Variants in CIITA observed in about 807,000 individuals in gnomAD.
CIITA encodes class II major histocompatibility complex transactivator, also known as MHC class II transactivator.
CIITA carries 72 observed loss-of-function variants against 115.1 expected under a neutral mutation model. The observed-to-expected ratio is 0.63, with a 90% CI of 0.52 to 0.76. The LOEUF is 0.76. Among genes scored for constraint, CIITA ranks in the 30% least tolerant of loss-of-function variants. CIITA has a pLI of 0.00. For missense variants in CIITA, 1,617 were observed against 1,463.8 expected (o/e 1.10, Z -1.71); for synonymous variants, 763 against 635.6 (o/e 1.20, Z -3.02).
rs1248810990 is a variant in CIITA, at chr16:10,907,730, C to T, written c.2238C>T (p.Pro746=). ...CATTGACCCCAAGGAAGAAGAGGCC[C>T]TATGACAACTGGCTGGAGGGCGTGC... ...YLALTPRKKR[P]YDNWLEGVPR... The change falls in exon 11 of 20, where the codon CCC becomes CCT. Residue 746 remains proline, a synonymous_variant. Transcript: ENST00000324288. The surrounding 1 kb of genome is among the most constrained non-coding windows in gnomAD (Gnocchi z 5.0). 2.5e-6 allele frequency: 4 copies of T among 1,614,122 alleles called. No individual in the cohort carries two copies. The African/African-American group carries it at 5.3e-5, about 22-fold the overall frequency.
chr16:10,919,445 C>T (rs1014903910), intron 16 of CIITA, among the ~76,000 whole-genome samples: 15 of 152,188 alleles, frequency 9.9e-5, no homozygotes, highest in Non-Finnish European at 1.8e-4. Flanking sequence ...GATCCACCTG[C>T]CTCGGCCTCC....
Position 10,907,468 on chromosome 16 carries a change from A to G in CIITA, c.1976A>G (p.Glu659Gly). The G allele has an allele frequency of 6.2e-7, 1 of 1,613,496 alleles. No homozygotes were observed. Among genetic ancestry groups the G allele is most frequent in the East Asian group, 2.2e-5 (1 of 44,856 alleles). The stretch of plus-strand genomic sequence containing the variant: ...GACAGCCCCCCCGGGGCCCTGGCAG[A>G]GCTGGCCAAGCTGGCCTGGGAGCTG... ...ALDSPPGALA[E>G]LAKLAWELGR... Residue 659 changes from glutamate to glycine, a missense_variant, in exon 11 of 20, where the codon GAG becomes GGG. Physicochemically the swap from Glu to Gly is moderately conservative, Grantham distance 98. Coordinates refer to ENST00000324288, the MANE Select transcript of CIITA (RefSeq NM_000246.4). This position sits in a 1 kb window ranked among gnomAD's most constrained non-coding sequence, Gnocchi z 5.0.
intron 13 of CIITA, among the ~76,000 whole-genome samples, chr16:10,913,727 C>T: frequency 6.6e-6 from 1 of 151,868 alleles, no homozygotes; most frequent in East Asian, 2.0e-4. Context: ...ATCACAAGGC[C>T]AGGAGTTTGA....
rs751742953 is a variant in CIITA at position 10,898,951 on chromosome 16, G to C, written c.385G>C (p.Gly129Arg). ...GCACATAGGACCAGATGAAGTGATC[G>C]GTGAGAGTATGGAGATGCCAGCAGA... ...FKHIGPDEVI[G>R]ESMEMPAEVG... The change falls in exon 5 of 20, where the codon GGT (glycine) becomes CGT (arginine). Residue 129 changes from glycine to arginine, a missense_variant. Coordinates refer to ENST00000324288, the MANE Select transcript of CIITA (RefSeq NM_000246.4). 6.2e-6 allele frequency: 10 copies of C among 1,613,802 alleles called. No homozygotes were observed. The highest frequency in any genetic ancestry group is 8.5e-6 in the Non-Finnish European group (10 of 1,179,984).
chr16:10,876,237 A>C (rs1445855809), upstream of CIITA, among the ~76,000 whole-genome samples: 1 of 152,066 alleles, frequency 6.6e-6, no homozygotes, highest in Non-Finnish European at 1.5e-5. Context: ...CTAGCCTCCA[A>C]CTCCCGGCTT....
In CIITA at chr16:10,907,820, A is replaced by C; in HGVS notation, c.2328A>C (p.Pro776=). The C allele has an allele frequency of 6.2e-7, 1 of 1,613,830 alleles. No individual in the cohort carries two copies. Among genetic ancestry groups the C allele is most frequent in the Non-Finnish European group, 8.5e-7 (1 of 1,179,858 alleles). ...GCTGCCTGGGAGCCCTACTCGGGCC[A>C]TCGGCGGCTGCCTCGGTGGACAGGA... ...PARCLGALLG[P]SAAASVDRKQ... Residue 776 remains proline, a synonymous_variant, in exon 11 of 20, where the codon CCA becomes CCC. Coordinates refer to ENST00000324288, the MANE Select transcript of CIITA (RefSeq NM_000246.4). This position sits in a 1 kb window ranked among gnomAD's most constrained non-coding sequence, Gnocchi z 5.0.
At position 10,901,033 on chromosome 16, in the gene CIITA, A is replaced by G. The variant is rs2038693324; in HGVS notation, c.437-481A>G. ...GTGTTTCGTTGGGTAGATGAACCAT[A>G]ATTTGTTTAAGCAGTCCCTTGCTAA... is the stretch of plus-strand genomic sequence containing the variant. On this transcript the variant is annotated intron_variant, in intron 5 of 19. Coordinates refer to ENST00000324288, the MANE Select transcript of CIITA (RefSeq NM_000246.4). This position sits in a 1 kb window ranked among gnomAD's most constrained non-coding sequence, Gnocchi z 6.8. Among the ~76,000 whole-genome samples the G allele has an allele frequency of 6.6e-6, 1 of 152,092 alleles. No homozygotes were observed. Among genetic ancestry groups the G allele is most frequent in the African/African-American group, 2.4e-5 (1 of 41,468 alleles).
At position 10,906,845 on chromosome 16, in the gene CIITA, C is replaced by T. The variant is rs773675585; in HGVS notation, c.1353C>T (p.Val451=). The T allele has an allele frequency of 1.6e-5, 26 of 1,613,360 alleles. No individual in the cohort carries two copies. Among genetic ancestry groups the T allele is most frequent in the South Asian group, 2.2e-5 (2 of 91,076 alleles). The change falls in exon 11 of 20, where the codon GTC becomes GTT. Residue 451 remains valine (V), a synonymous_variant. Transcript: ENST00000324288. ...RLPQYDFVFS[V]PCHCLNRPGD... is the part of the protein sequence containing the mutation. ...CCCAGTACGACTTTGTCTTCTCTGT[C>T]CCCTGCCATTGCTTGAACCGTCCGG... is the stretch of plus-strand genomic sequence containing the variant.
chr16:10,940,090 T>C (rs576820045), downstream of CIITA: 1 of 152,306 alleles, frequency 6.6e-6, no homozygotes, highest in South Asian at 2.1e-4. This position sits in a 1 kb window ranked among gnomAD's most constrained non-coding sequence, Gnocchi z 4.2. Flanking sequence ...GAAATCTCAC[T>C]GTGAACCCAT....
chr16:10,926,814 C>T lies in CIITA; in HGVS notation c.*2959C>T, dbSNP rs184764151. The T allele has an allele frequency of 6.6e-6, 1 of 152,374 alleles. No homozygotes were observed. The highest frequency in any genetic ancestry group is 2.4e-5 in the African/African-American group (1 of 41,566). The allele number at this position is 152,374 out of a possible 1,614,324, so 9.4% of individuals were successfully genotyped here. On this transcript the variant is annotated 3_prime_UTR_variant, in exon 20 of 20. Transcript: ENST00000324288. ...GGATTACAGGGGTGAGCCACCGCAC[C>T]CGGCCACTACTGTTTATTTAATGAG...
At chr16:10,909,642 C>T (rs560676500) in intron 12 of CIITA, among the ~76,000 whole-genome samples, 1 of 152,332 alleles carries the variant, frequency 6.6e-6, no homozygotes. Context: ...ATTGTTTGAG[C>T]GCCTCTTAAG....
At chr16:10,895,461 T>TCC in intron 2 of CIITA, 33 bp downstream of exon 2, 1 of 1,611,188 alleles carries the variant, frequency 6.2e-7, no homozygotes, top group Non-Finnish European at 8.5e-7. Context: ...TCTTCCGGTA[T>TCC]CCCCCACCCC....
chr16:10,941,724 C>T lies in CIITA; in HGVS notation n.850C>T, dbSNP rs896064204. ...GGGAACAGCAGTCGAGACCCTACTC[C>T]AAGTACGCATCAAAGACGTCGAGCT... is the stretch of plus-strand genomic sequence containing the variant. On this transcript the variant is annotated non_coding_transcript_exon_variant, in exon 2 of 2. Coordinates refer to the CIITA transcript ENST00000573379. This position sits in a 1 kb window ranked among gnomAD's most constrained non-coding sequence, Gnocchi z 6.4. 9.9e-6 allele frequency: 16 copies of T among 1,608,394 alleles called. No individual in the cohort carries two copies. The highest frequency in any genetic ancestry group is 1.3e-5 in the Non-Finnish European group (15 of 1,177,136).
chr16:10,871,373 G>A (rs1195841993), intron 1 of CIITA, among the ~76,000 whole-genome samples: 1 of 152,140 alleles, frequency 6.6e-6, no homozygotes, highest in Non-Finnish European at 1.5e-5. Flanking sequence ...GGCACAAAGG[G>A]GCCCATTTTG....
intron 15 of CIITA, 89 bp from the exon 16 acceptor site, chr16:10,918,351 T>C (rs1298896064): frequency 8.5e-7 from 1 of 1,173,230 alleles, no homozygotes; most frequent in Admixed American, 1.7e-5. Flanking sequence ...ACAGCGCCAT[T>C]CACAGCCTAT....
rs761209383 is a variant in CIITA at position 10,920,754 on chromosome 16, C to G, written c.3150-1413C>G. On this transcript the variant is annotated intron_variant, in intron 16 of 19. Transcript: ENST00000324288. The surrounding 1 kb of genome is among the most constrained non-coding windows in gnomAD (Gnocchi z 4.5). ...TCTCCCTGTGGGGTGGAGGAAGGGT[C>G]TCCAGGGTTCAGAGATTGCAAAACC... Among the ~76,000 whole-genome samples the G allele has an allele frequency of 1.3e-5, 2 of 152,196 alleles. No individual in the cohort carries two copies. Among genetic ancestry groups the G allele is most frequent in the African/African-American group, 2.4e-5 (1 of 41,440 alleles).
chr16:10,940,009 G>T (rs2041079662), downstream of CIITA: 1 of 152,254 alleles, frequency 6.6e-6, no homozygotes, highest in Non-Finnish European at 1.5e-5. This position sits in a 1 kb window ranked among gnomAD's most constrained non-coding sequence, Gnocchi z 4.2. Context: ...CAGAGCACCT[G>T]GCACACACTC....
chr16:10,881,321 A>T (rs2036411272), intron 1 of CIITA, among the ~76,000 whole-genome samples: 1 of 152,168 alleles, frequency 6.6e-6, no homozygotes, highest in Non-Finnish European at 1.5e-5. Flanking sequence ...GAGAGAAAAA[A>T]GTCAGAGAGG....
rs1210252070 is a variant in CIITA, at chr16:10,942,588, G to A, written n.1714G>A. 2.0e-5 allele frequency: 3 copies of A among 152,318 alleles called. No individual in the cohort carries two copies. The highest frequency in any genetic ancestry group is 4.4e-5 in the Non-Finnish European group (3 of 68,104). The allele number at this position is 152,318 out of a possible 1,614,324, so 9.4% of individuals were successfully genotyped here. On this transcript the variant is annotated non_coding_transcript_exon_variant, in exon 2 of 2. Coordinates refer to the CIITA transcript ENST00000573379. This position sits in a 1 kb window ranked among gnomAD's most constrained non-coding sequence, Gnocchi z 5.0. ...GCCGCCAGGGGGCGGGTACCGCTTC[G>A]CTCCGCCCCTCGGGGCCCTAGCGTC...
Sources: gnomAD v4.1 joint callset for allele counts (sites outside exome capture counted in the v4.1 genomes callset) on GRCh38, gnomAD v4.1.1 for gene constraint, Gnocchi (gnomAD v3.1) non-coding constraint, MANE v1.5 for transcripts, NCBI Gene and HGNC (gene_info 2026-07-23, HGNC 2026-07-21) for gene names.